Variants in LMAN1 observed in about 807,000 individuals in gnomAD.
LMAN1 encodes the protein lectin, mannose binding 1, also known as protein ERGIC-53.
LMAN1 carries 32 observed loss-of-function variants against 67.8 expected under a neutral mutation model. The observed-to-expected ratio is 0.47, with a 90% CI of 0.36 to 0.63. The LOEUF (loss-of-function observed/expected upper bound fraction) is 0.63. Among genes scored for constraint, LMAN1 ranks in the 30% least tolerant of loss-of-function variants. The pLI is 0.00. For synonymous variants in LMAN1, 235 were observed against 219.3 expected, an observed-to-expected ratio of 1.07 and a Z score of -0.63; for missense variants, 632 against 628.2, an observed-to-expected ratio of 1.01 and a Z score of -0.06.
chr18:59,355,760 G>T, intron 1 of LMAN1, 102 bp from the exon 2 acceptor site: 1 of 1,303,772 alleles, frequency 7.7e-7, no homozygotes, highest in Non-Finnish European at 1.1e-6. Flanking sequence ...TTAGTAACCT[G>T]TACAATAATG....
At chr18:59,332,970 C>T in intron 11 of LMAN1, 121 bp downstream of exon 11, 1 of 815,028 alleles carries the variant, frequency 1.2e-6, no homozygotes, top group Admixed American at 2.3e-5. Flanking sequence ...TGGGACAATT[C>T]TACCTTAAAC....
intron 8 of LMAN1, among the ~76,000 whole-genome samples, chr18:59,339,485 T>G (rs1908238571): frequency 6.6e-6 from 1 of 151,992 alleles, no homozygotes; most frequent in African/African-American, 2.4e-5. Flanking sequence ...AAAATGGGCT[T>G]TTATGATCCT....
intron 1 of LMAN1, 148 bp from the exon 2 acceptor site, chr18:59,355,806 T>A: frequency 1.1e-6 from 1 of 899,960 alleles, no homozygotes; most frequent in Non-Finnish European, 1.7e-6. Context: ...GTTTTAACTT[T>A]AAAAGTTTAG....
At chr18:59,352,991 T>C in intron 5 of LMAN1, 4 of 531,454 alleles carry the variant, frequency 7.5e-6, no homozygotes, top group South Asian at 7.4e-5. Flanking sequence ...GCTTAAACAT[T>C]TACTGACTAA....
chr18:59,353,244 A>G lies in LMAN1; in HGVS notation c.597T>C (p.Tyr199=), dbSNP rs984139447. 17 of 1,613,968 alleles carry G rather than the reference A, an allele frequency of 1.1e-5. No individual in the cohort carries two copies. Among genetic ancestry groups the G allele is most frequent in the Non-Finnish European group, 1.4e-5 (17 of 1,179,998 alleles). The change falls in exon 5 of 13, where the codon TAT becomes TAC. Residue 199 remains tyrosine, a synonymous_variant. Coordinates refer to ENST00000251047, the MANE Select transcript of LMAN1 (RefSeq NM_005570.4). The stretch of plus-strand genomic sequence containing the variant: ...AATAGGTAATCTTTGCTCGGACAGG[A>G]TAGGGTTTGTTGCGGAAGTCCCTCT... The part of the protein sequence containing the change: ...SCQRDFRNKP[Y]PVRAKITYYQ...
At chr18:59,346,114 T>C (rs1908397830) in intron 7 of LMAN1, 63 bp from the exon 8 acceptor site, 19 of 1,361,774 alleles carry the variant, frequency 1.4e-5, no homozygotes, top group Non-Finnish European at 1.7e-5. Context: ...GATATCTCTA[T>C]ACATGTTATT....
chr18:59,351,764 C>T (rs1908548174), intron 5 of LMAN1, among the ~76,000 whole-genome samples: 1 of 152,220 alleles, frequency 6.6e-6, no homozygotes, highest in Non-Finnish European at 1.5e-5. Context: ...GGACAGTCTG[C>T]ACCCACCATG....
rs777224819 is a variant in LMAN1 at position 59,359,076 on chromosome 18, G to A, written c.169C>T (p.Leu57=). The change falls in exon 1 of 13, where the codon CTG becomes TTG. Residue 57 remains leucine (L), a synonymous_variant. Transcript: ENST00000251047. ...EYKYSFKGPH[L]VQSDGTVPFW... ...GGCACGGTCCCGTCGCTCTGCACCA[G>A]GTGCGGCCCCTTGAAGCTGTATTTG... The A allele has an allele frequency of 1.2e-6, 2 of 1,614,100 alleles. No homozygotes were observed. The highest frequency in any genetic ancestry group is 2.2e-5 in the East Asian group (1 of 44,876).
rs527848336 is a variant in LMAN1 at position 59,328,709 on chromosome 18, C to G, written c.*2384G>C. The G allele has an allele frequency of 6.6e-6, 1 of 152,102 alleles. No individual in the cohort carries two copies. Among genetic ancestry groups the G allele is most frequent in the Non-Finnish European group, 1.5e-5 (1 of 68,014 alleles). The allele number at this position is 152,102 out of a possible 1,614,324, so 9.4% of individuals were successfully genotyped here. On this transcript the variant is annotated 3_prime_UTR_variant, in exon 13 of 13. Coordinates refer to ENST00000251047, the MANE Select transcript of LMAN1 (RefSeq NM_005570.4). ...GGTTGTCTGAAACCAGGCGCCATGA[C>G]CCAGATGGTCCATGGATCATACTTT...
chr18:59,358,898 C>T, intron 1 of LMAN1, 133 bp downstream of exon 1: 2 of 895,324 alleles, frequency 2.2e-6, no homozygotes, highest in South Asian at 1.4e-5. Context: ...CCAGGAGGGT[C>T]CCCTCCACAG....
At chr18:59,333,851 GAA>G (rs71336336) in intron 10 of LMAN1, among the ~76,000 whole-genome samples, 2 of 119,682 alleles carry the variant, frequency 1.7e-5, no homozygotes, top group East Asian at 2.5e-4. Flanking sequence ...TTTACCAAAA[GAA>G]AAAAAAAAAA....
chr18:59,358,098 C>G (rs1265503104), intron 1 of LMAN1, among the ~76,000 whole-genome samples: 1 of 152,098 alleles, frequency 6.6e-6, no homozygotes, highest in Non-Finnish European at 1.5e-5. Context: ...GAGCTTATGT[C>G]ATGCCAAGTG....
At chr18:59,346,233 T>G (rs1908402460) in intron 7 of LMAN1, among the ~76,000 whole-genome samples, 182 bp from the exon 8 acceptor site, 1 of 141,504 alleles carries the variant, frequency 7.1e-6, no homozygotes, top group Admixed American at 7.0e-5. Flanking sequence ...TTTTTTTTTT[T>G]TTTAGAGACA....
intron 11 of LMAN1, among the ~76,000 whole-genome samples, chr18:59,332,852 C>T (rs932163376): frequency 7.2e-5 from 11 of 152,102 alleles, no homozygotes; most frequent in African/African-American, 1.2e-4. Flanking sequence ...AATATTTTCA[C>T]GAAATGATAA....
At chr18:59,344,572 A>G (rs1289200470) in intron 8 of LMAN1, among the ~76,000 whole-genome samples, 2 of 151,930 alleles carry the variant, frequency 1.3e-5, no homozygotes, top group African/African-American at 2.4e-5. Flanking sequence ...GTCAAATACC[A>G]TACATTCTCA....
chr18:59,345,119 AATGACCTTT>A (rs1220434619), intron 8 of LMAN1, among the ~76,000 whole-genome samples: 5 of 152,218 alleles, frequency 3.3e-5, no homozygotes, highest in Non-Finnish European at 5.9e-5. Context: ...TCAAAATAAG[AATGACCTTT>A]ATGTTTCATT....
chr18:59,341,095 TAAAAA>T (rs922637498), intron 8 of LMAN1, among the ~76,000 whole-genome samples: 10 of 150,836 alleles, frequency 6.6e-5, no homozygotes, highest in African/African-American at 2.5e-4. Flanking sequence ...AAAACAGACT[TAAAAA>T]AGAAAAGACA....
chr18:59,338,372 A>G (rs1908209902), intron 10 of LMAN1, among the ~76,000 whole-genome samples, 185 bp downstream of exon 10: 1 of 152,214 alleles, frequency 6.6e-6, no homozygotes, highest in African/African-American at 2.4e-5. Context: ...AAAACTTTAG[A>G]CATGTTTGCA....
chr18:59,334,274 C>G (rs1908093671), intron 10 of LMAN1, among the ~76,000 whole-genome samples: 1 of 152,176 alleles, frequency 6.6e-6, no homozygotes, highest in Admixed American at 6.5e-5. Flanking sequence ...GTCATTCATT[C>G]ATTTGCCTGT....
Sources: allele counts gnomAD v4.1 joint callset (sites outside exome capture counted in the v4.1 genomes callset), GRCh38; gene constraint gnomAD v4.1.1; transcripts MANE v1.5; gene names NCBI Gene and HGNC (gene_info 2026-07-23, HGNC 2026-07-21).